The following SLC45A4 variants were observed in gnomAD, a reference collection of about 807,000 sequenced individuals.
The protein encoded by SLC45A4 is solute carrier family 45 member 4, also known as polyamine-transporter SLC45A4.
In SLC45A4, 32 loss-of-function variants were observed where a neutral mutation model predicts 63.7. The ratio of observed to expected loss-of-function variants is 0.50; its 90% CI spans 0.38 to 0.67. The LOEUF (loss-of-function observed/expected upper bound fraction) is 0.67, where lower values mean the gene tolerates loss of function less well. SLC45A4 is among the 30% of genes least tolerant of loss of function. The pLI, the probability that SLC45A4 is intolerant of heterozygous loss-of-function variation, is 0.00. For synonymous variants in SLC45A4, 535 were observed against 510.0 expected (o/e 1.05, Z -0.66); for missense variants, 1,027 against 1,157.7 (o/e 0.89, Z 1.64).
chr8:141,227,280 G>A lies in SLC45A4; in HGVS notation c.242-5515C>T, dbSNP rs1458066282. On this transcript the variant is annotated intron_variant, in intron 2 of 8. Transcript: ENST00000517878. This position sits in a 1 kb window ranked among gnomAD's most constrained non-coding sequence, Gnocchi z 4.4. ...TGTGGCGGCTCCTGTTCACAGTGCC[G>A]TGTGTGATAAACTGGGACTTTCTGG... Among the ~76,000 whole-genome samples, 2 of 152,264 alleles carry A rather than the reference G, an allele frequency of 1.3e-5. No individual in the cohort carries two copies. The highest frequency in any genetic ancestry group is 2.9e-5 in the Non-Finnish European group (2 of 68,024).
At position 141,218,883 on chromosome 8, in the gene SLC45A4, T is replaced by C; in HGVS notation, c.757A>G (p.Ile253Val). The C allele has an allele frequency of 1.2e-6, 2 of 1,613,602 alleles. No individual in the cohort carries two copies. Among genetic ancestry groups the C allele is most frequent in the Non-Finnish European group, 1.7e-6 (2 of 1,179,924 alleles). The change falls in exon 5 of 9, where the codon ATC becomes GTC. Residue 253 changes from isoleucine to valine, a missense_variant. Physicochemically the swap from Ile to Val is conservative, Grantham distance 29 (BLOSUM62 3). Transcript: ENST00000517878. ...TVSVALHLFS[I>V]DEEQYSPQQE... is the part of the protein sequence containing the mutation. ...TGCGGGCTGTACTGCTCCTCGTCGATGCTGAACAGGTGCAGGGCCACGGAC... is the reference window on the plus strand; with the variant it reads ...TGCGGGCTGTACTGCTCCTCGTCGACGCTGAACAGGTGCAGGGCCACGGAC...
At chr8:141,307,105 GC>G (rs1166931341) in intron 1 of SLC45A4, among the ~76,000 whole-genome samples, 3 of 152,086 alleles carry the variant, frequency 2.0e-5, no homozygotes, top group Non-Finnish European at 2.9e-5. Context: ...GCCCTCCCTA[GC>G]CCCCGCCTTC....
intron 4 of SLC45A4, 28 bp downstream of exon 4, chr8:141,219,622 C>A: frequency 6.3e-7 from 1 of 1,579,782 alleles, no homozygotes; most frequent in South Asian, 1.2e-5. Context: ...TGGAACCCGG[C>A]CACCCAGCCT....
At chr8:141,291,010 G>C (rs994624710) in intron 1 of SLC45A4, among the ~76,000 whole-genome samples, 1 of 152,088 alleles carries the variant, frequency 6.6e-6, no homozygotes, top group Non-Finnish European at 1.5e-5. Flanking sequence ...CACCATGCCG[G>C]GCTAATTTTT....
At chr8:141,239,610 A>G (rs1487184970) in intron 2 of SLC45A4, among the ~76,000 whole-genome samples, 2 of 150,780 alleles carry the variant, frequency 1.3e-5, no homozygotes, top group East Asian at 2.0e-4. Context: ...GCACGCACAC[A>G]CACAGCATCA....
chr8:141,212,157 C>T (rs757377026), intron 8 of SLC45A4, 40 bp downstream of exon 8: 159 of 908,702 alleles, frequency 1.7e-4, no homozygotes, highest in Middle Eastern at 4.6e-4. Context: ...CCCGCCCACC[C>T]GCCCACTGGA....
rs1288930514 is a variant in SLC45A4, at chr8:141,227,206, A to G, written c.242-5441T>C. ...CTCCGTTCACAGGAAATACTGTGTC[A>G]CCGCTCGGCCGCAGGCTGTGTGAGG... On this transcript the variant is annotated intron_variant, in intron 2 of 8. Transcript: ENST00000517878. The surrounding 1 kb of genome is among the most constrained non-coding windows in gnomAD (Gnocchi z 4.4). Among the ~76,000 whole-genome samples the G allele has an allele frequency of 6.6e-6, 1 of 152,054 alleles. No homozygotes were observed. Among genetic ancestry groups the G allele is most frequent in the Non-Finnish European group, 1.5e-5 (1 of 68,032 alleles).
intron 1 of SLC45A4, among the ~76,000 whole-genome samples, chr8:141,277,609 T>TAA (rs35641074): frequency 6.7e-6 from 1 of 148,576 alleles, no homozygotes; most frequent in African/African-American, 2.5e-5. Context: ...CTTTTACTCT[T>TAA]AAAAAAAAAA....
chr8:141,232,664 T>C (rs1470110184), intron 2 of SLC45A4, among the ~76,000 whole-genome samples: 39 of 118,410 alleles, frequency 3.3e-4, no homozygotes, highest in Non-Finnish European at 4.0e-4. Context: ...AACACAGACA[T>C]TCAGTGGCTC....
chr8:141,282,022 C>T (rs915053534), intron 1 of SLC45A4, among the ~76,000 whole-genome samples: 5 of 152,150 alleles, frequency 3.3e-5, no homozygotes, highest in African/African-American at 1.2e-4. Context: ...CACGGGTCAG[C>T]CATGGGGCTC....
chr8:141,290,429 C>T (rs967039744), intron 1 of SLC45A4, among the ~76,000 whole-genome samples: 6 of 152,220 alleles, frequency 3.9e-5, no homozygotes, highest in African/African-American at 1.4e-4. Flanking sequence ...TGTGACATTG[C>T]ACAATTCTTT....
intron 2 of SLC45A4, among the ~76,000 whole-genome samples, chr8:141,236,600 CG>C (rs945337747): frequency 1.3e-5 from 2 of 152,126 alleles, no homozygotes; most frequent in African/African-American, 2.4e-5. Flanking sequence ...CTAAATAGTC[CG>C]TTTTTTTTAA....
At chr8:141,293,107 C>G (rs533681429) in intron 1 of SLC45A4, among the ~76,000 whole-genome samples, 1 of 152,210 alleles carries the variant, frequency 6.6e-6, no homozygotes, top group African/African-American at 2.4e-5. Context: ...ACGTAATGCA[C>G]GCCAGCAGTT....
intron 1 of SLC45A4, among the ~76,000 whole-genome samples, chr8:141,289,566 T>A (rs1276827765): frequency 1.3e-5 from 2 of 152,174 alleles, no homozygotes; most frequent in African/African-American, 4.8e-5. Flanking sequence ...GACTGGGTTT[T>A]CCTTGGGCGG....
intron 1 of SLC45A4, among the ~76,000 whole-genome samples, chr8:141,270,269 A>G (rs1447410012): frequency 6.6e-6 from 1 of 151,894 alleles, no homozygotes; most frequent in Non-Finnish European, 1.5e-5. Context: ...GCTCACCACT[A>G]TAATCCTAGC....
chr8:141,231,380 G>A (rs940897698), intron 2 of SLC45A4, among the ~76,000 whole-genome samples: 13 of 152,216 alleles, frequency 8.5e-5, no homozygotes, highest in Non-Finnish European at 4.4e-5. Flanking sequence ...ACCATGAGGA[G>A]GCCGGTTTGG....
chr8:141,282,546 G>A (rs181443771), intron 1 of SLC45A4, among the ~76,000 whole-genome samples: 42 of 152,364 alleles, frequency 2.8e-4, no homozygotes, highest in East Asian at 1.2e-3. Flanking sequence ...CACTCAGGGC[G>A]CGCTGCGCTC....
chr8:141,218,544 C>T lies in SLC45A4; in HGVS notation c.1096G>A (p.Ala366Thr). The T allele has an allele frequency of 6.2e-7, 1 of 1,613,652 alleles. No homozygotes were observed. Among genetic ancestry groups the T allele is most frequent in the Non-Finnish European group, 8.5e-7 (1 of 1,179,964 alleles). Residue 366 changes from alanine (A) to threonine (T), a missense_variant, in exon 5 of 9, where the codon GCC becomes ACC. Ala to Thr is a moderately conservative substitution (Grantham distance 58, BLOSUM62 0). Coordinates refer to ENST00000517878, the MANE Select transcript of SLC45A4 (RefSeq NM_001286646.2). ...AGCAAGGTCTCGTCCTCCTTGGCGG[C>T]TTCCTTGAGGAAGGTGGCCAGGCGG... is the stretch of plus-strand genomic sequence containing the variant. ...LPRLATFLKE[A>T]AKEDETLLDN... is the part of the protein sequence containing the mutation.
rs148026843 is a variant in SLC45A4 at position 141,278,644 on chromosome 8, C to T, written c.-400-24015G>A. ...AGCTGAGTGCTGACCACAGCCCCCA[C>T]GGGCAGCACAGGCAAGCAAGTGGAG... On this transcript the variant is annotated intron_variant, in intron 1 of 8. Transcript: ENST00000517878. This position sits in a 1 kb window ranked among gnomAD's most constrained non-coding sequence, Gnocchi z 4.1. 2.0e-5 allele frequency among the ~76,000 whole-genome samples: 3 copies of T among 152,380 alleles called. No homozygotes were observed. Among genetic ancestry groups the T allele is most frequent in the East Asian group, 1.9e-4 (1 of 5,186 alleles).
Sources: gnomAD v4.1 joint callset for allele counts (sites outside exome capture counted in the v4.1 genomes callset) on GRCh38, gnomAD v4.1.1 for gene constraint, Gnocchi (gnomAD v3.1) non-coding constraint, MANE v1.5 for transcripts, NCBI Gene and HGNC (gene_info 2026-07-23, HGNC 2026-07-21) for gene names.